Variants in SLC39A10 observed in about 807,000 individuals in gnomAD.
SLC39A10 encodes the protein solute carrier family 39 member 10.
Under a neutral mutation model 65.1 loss-of-function variants are expected in SLC39A10, and 13 were observed. The ratio of observed to expected loss-of-function variants is 0.20; its 90% CI spans 0.13 to 0.32. The LOEUF (loss-of-function observed/expected upper bound fraction) is 0.32. Ranked by LOEUF, SLC39A10 falls within the 10% of genes least tolerant of loss-of-function variation. The pLI is 1.00. For synonymous variants in SLC39A10, 321 were observed against 342.2 expected (o/e 0.94, Z 0.68); for missense variants, 831 against 1,018.4 (o/e 0.82, Z 2.50).
At chr2:195,696,793 A>G (rs1690979571) in intron 3 of SLC39A10, among the ~76,000 whole-genome samples, 1 of 152,128 alleles carries the variant, frequency 6.6e-6, no homozygotes, top group African/African-American at 2.4e-5. Context: ...GAGAAAAGAA[A>G]ATATATTAAG....
At chr2:195,640,394 C>T (rs928262480) in intron 2 of SLC39A10, among the ~76,000 whole-genome samples, 2 of 150,042 alleles carry the variant, frequency 1.3e-5, no homozygotes, top group Admixed American at 6.6e-5. Context: ...GGATGAACAC[C>T]GAGGACACCA....
At chr2:195,710,638 C>T (rs1691572994) in intron 5 of SLC39A10, among the ~76,000 whole-genome samples, 1 of 152,172 alleles carries the variant, frequency 6.6e-6, no homozygotes, top group Non-Finnish European at 1.5e-5. Context: ...TCTTACTTCT[C>T]ATCTGTATTT....
intron 2 of SLC39A10, among the ~76,000 whole-genome samples, chr2:195,629,292 G>A (rs926606914): frequency 6.6e-6 from 1 of 151,738 alleles, no homozygotes; most frequent in African/African-American, 2.4e-5. Context: ...TACTCAGGAG[G>A]CTGAGGCAGG....
chr2:195,615,454 T>G (rs1316038336), intron 2 of SLC39A10, among the ~76,000 whole-genome samples: 2 of 152,216 alleles, frequency 1.3e-5, no homozygotes, highest in Non-Finnish European at 2.9e-5. Flanking sequence ...TGAGCCACTA[T>G]GACCGGCCAT....
upstream of SLC39A10, among the ~76,000 whole-genome samples, chr2:195,653,132 G>C (rs1261421476): frequency 6.6e-6 from 1 of 152,086 alleles, no homozygotes; most frequent in Non-Finnish European, 1.5e-5. Flanking sequence ...AGACAGTTTT[G>C]CAAGGCCATT....
chr2:195,640,996 A>G (rs1210745433), intron 2 of SLC39A10, among the ~76,000 whole-genome samples: 1 of 152,186 alleles, frequency 6.6e-6, no homozygotes, highest in East Asian at 1.9e-4. Flanking sequence ...TTCAGTCAGT[A>G]CCCACTTTGC....
chr2:195,713,987 C>T (rs1451267252), intron 6 of SLC39A10, among the ~76,000 whole-genome samples: 1 of 151,730 alleles, frequency 6.6e-6, no homozygotes, highest in Non-Finnish European at 1.5e-5. Flanking sequence ...AGTGCAGTAG[C>T]GCCATCTCGG....
At position 195,728,997 on chromosome 2, in the gene SLC39A10, G is replaced by A. The variant is rs1348877950; in HGVS notation, c.2337+648G>A. Among the ~76,000 whole-genome samples, 2 of 149,510 alleles carry A rather than the reference G, an allele frequency of 1.3e-5. No individual in the cohort carries two copies. Among genetic ancestry groups the A allele is most frequent in the Non-Finnish European group, 3.0e-5 (2 of 67,566 alleles). On this transcript the variant is annotated intron_variant, in intron 9 of 9. Transcript: ENST00000359634. This position sits in a 1 kb window ranked among gnomAD's most constrained non-coding sequence, Gnocchi z 4.4. ...GCCTTTTTTTTTTTTTTATGAGATA[G>A]GGTCTTGCTCTGTTGCCTAGGCTGG...
chr2:195,706,868 C>T (rs1233106885), intron 4 of SLC39A10, 83 bp downstream of exon 4: 6 of 931,864 alleles, frequency 6.4e-6, no homozygotes, highest in Non-Finnish European at 8.7e-6. Context: ...AGCTATAGCA[C>T]AGTAATCTAG....
chr2:195,678,945 C>G (rs1690199268), intron 1 of SLC39A10, among the ~76,000 whole-genome samples: 1 of 151,998 alleles, frequency 6.6e-6, no homozygotes, highest in South Asian at 2.1e-4. Flanking sequence ...ATAATTGGCT[C>G]TTATTATATT....
At chr2:195,732,736 A>G (rs1470641467) in intron 9 of SLC39A10, among the ~76,000 whole-genome samples, 3 of 152,232 alleles carry the variant, frequency 2.0e-5, no homozygotes, top group African/African-American at 4.8e-5. Flanking sequence ...AGGGCCAGAT[A>G]GTAGATGGTT....
At chr2:195,656,424 AT>A (rs998692166), upstream of SLC39A10, among the ~76,000 whole-genome samples, 2 of 152,106 alleles carry the variant, frequency 1.3e-5, no homozygotes, top group African/African-American at 4.8e-5. Flanking sequence ...CTGGATCGGG[AT>A]TTTTTTGTCA....
intron 2 of SLC39A10, among the ~76,000 whole-genome samples, chr2:195,624,620 A>C (rs937195698): frequency 6.6e-6 from 1 of 151,928 alleles, no homozygotes; most frequent in Non-Finnish European, 1.5e-5. Flanking sequence ...CACTTCTGTA[A>C]TCCCAGCACT....
chr2:195,709,193 T>TTTGTA (rs1691515060), intron 5 of SLC39A10, among the ~76,000 whole-genome samples: 1 of 144,916 alleles, frequency 6.9e-6, no homozygotes, highest in South Asian at 2.3e-4. Context: ...CCCAGCTAAC[T>TTTGTA]TGTATGTATG....
At chr2:195,626,267 C>CT (rs1688472102) in intron 2 of SLC39A10, among the ~76,000 whole-genome samples, 1 of 152,176 alleles carries the variant, frequency 6.6e-6, no homozygotes, top group Non-Finnish European at 1.5e-5. Context: ...TTAAAAGTCT[C>CT]TGAGATCTTC....
chr2:195,646,304 T>C (rs755957844), intron 2 of SLC39A10, among the ~76,000 whole-genome samples: 7 of 152,236 alleles, frequency 4.6e-5, no homozygotes, highest in Admixed American at 2.0e-4. Flanking sequence ...CCAGCAATTC[T>C]ATCTTCTTGA....
At chr2:195,696,335 A>C (rs1325916589) in intron 3 of SLC39A10, among the ~76,000 whole-genome samples, 5 of 137,686 alleles carry the variant, frequency 3.6e-5, no homozygotes, top group Non-Finnish European at 8.0e-5. Context: ...AAAAAAAAAA[A>C]CCTATCATTA....
intron 1 of SLC39A10, among the ~76,000 whole-genome samples, chr2:195,679,303 A>C (rs1371475166): frequency 6.6e-6 from 1 of 152,140 alleles, no homozygotes. Flanking sequence ...TGGAAACCTA[A>C]TTGACCAAGC....
chr2:195,627,688 G>A (rs571865384), intron 2 of SLC39A10, among the ~76,000 whole-genome samples: 1 of 152,294 alleles, frequency 6.6e-6, no homozygotes, highest in Admixed American at 6.5e-5. Context: ...AATACAAAGT[G>A]AGACTGGGAA....
Sources: allele counts gnomAD v4.1 joint callset (sites outside exome capture counted in the v4.1 genomes callset), GRCh38; gene constraint gnomAD v4.1.1; non-coding constraint Gnocchi (gnomAD v3.1); transcripts MANE v1.5; gene names NCBI Gene and HGNC (gene_info 2026-07-23, HGNC 2026-07-21).